The following SLC28A1 variants were observed in gnomAD, a reference collection of about 807,000 sequenced individuals.
SLC28A1 encodes the protein sodium/nucleoside cotransporter 1.
A neutral mutation model predicts 74.8 loss-of-function variants in SLC28A1; 64 were observed. The ratio of observed to expected loss-of-function variants is 0.86; its 90% confidence interval spans 0.70 to 1.05. The LOEUF (loss-of-function observed/expected upper bound fraction) is 1.05. SLC28A1 is among the 50% of genes least tolerant of loss of function. The probability of loss-of-function intolerance (pLI) is 0.00; values close to 1 mark genes in which losing one functional copy is unlikely to be tolerated. For synonymous variants in SLC28A1, 359 were observed against 335.0 expected, an observed-to-expected ratio of 1.07 and a Z score of -0.78; for missense variants, 828 against 822.8, an observed-to-expected ratio of 1.01 and a Z score of -0.08.
rs142718320 is a variant in SLC28A1 at position 84,921,041 on chromosome 15, G to A, written c.929G>A (p.Ser310Asn). The A allele has an allele frequency of 6.2e-7, 1 of 1,614,040 alleles. No individual in the cohort carries two copies. Among genetic ancestry groups the A allele is most frequent in the African/African-American group, 1.3e-5 (1 of 75,044 alleles). Residue 310 changes from serine (S) to asparagine (N), a missense_variant, in exon 11 of 19, where the codon AGT (serine) becomes AAT (asparagine). By Grantham distance (46) the Ser-to-Asn change is conservative (BLOSUM62 1). Around this residue, in one of 3 missense-constraint regions of SLC28A1, gnomAD observed 767 missense variants for 753.5 expected, o/e 1.02. Coordinates refer to ENST00000394573, the MANE Select transcript of SLC28A1 (RefSeq NM_004213.5). ...TMGTTATETL[S>N]VAGNIFVSQT... The stretch of plus-strand genomic sequence containing the variant: ...GGCACCACAGCCACTGAGACCCTGA[G>A]TGTGGCTGGAAACATCTTTGTGAGC...
At chr15:84,895,763 A>G in intron 6 of SLC28A1, 5 of 1,224,710 alleles carry the variant, frequency 4.1e-6, no homozygotes, top group South Asian at 2.0e-5. Context: ...CTGGGGGAAA[A>G]AAACAGTTTC....
chr15:84,894,805 C>T, intron 5 of SLC28A1, 135 bp from the exon 6 acceptor site: 1 of 826,222 alleles, frequency 1.2e-6, no homozygotes, highest in Non-Finnish European at 2.0e-6. Context: ...GATGAGGAAA[C>T]AGGCTCAGTG....
chr15:84,948,933 G>T (rs1242963988), downstream of SLC28A1, among the ~76,000 whole-genome samples: 3 of 152,076 alleles, frequency 2.0e-5, no homozygotes, highest in East Asian at 5.8e-4. Flanking sequence ...TGCCATTCTG[G>T]GCCACTCTGA....
At chr15:84,932,005 A>C (rs1971363471) in intron 12 of SLC28A1, among the ~76,000 whole-genome samples, 1 of 151,752 alleles carries the variant, frequency 6.6e-6, no homozygotes, top group Non-Finnish European at 1.5e-5. Flanking sequence ...CTGTCTTGGA[A>C]AAAAAAATAA....
chr15:84,913,115 T>C (rs11853372), intron 9 of SLC28A1, among the ~76,000 whole-genome samples: 1 of 151,976 alleles, frequency 6.6e-6, no homozygotes, highest in African/African-American at 2.4e-5. Context: ...CGTAGCTAGG[T>C]TACAGCCAGA....
At chr15:84,895,969 T>A in intron 6 of SLC28A1, 1 of 968,740 alleles carries the variant, frequency 1.0e-6, no homozygotes, top group Non-Finnish European at 1.2e-6. Flanking sequence ...TGAACACATT[T>A]AAAATTTTAT....
chr15:84,968,640 C>G, the SLC28A1 span, among the ~76,000 whole-genome samples: 1 of 152,326 alleles, frequency 6.6e-6, no homozygotes, highest in African/African-American at 2.4e-5. Context: ...GGAGGCAAGG[C>G]TACCAGGAGG....
intron 9 of SLC28A1, among the ~76,000 whole-genome samples, chr15:84,910,616 T>C (rs1325296952): frequency 6.6e-6 from 1 of 152,086 alleles, no homozygotes; most frequent in East Asian, 1.9e-4. Context: ...TAATCCCAGC[T>C]ACTTGGGAGG....
chr15:84,886,856 A>T, intron 2 of SLC28A1, 69 bp downstream of exon 2: 3 of 810,188 alleles, frequency 3.7e-6, no homozygotes, highest in Non-Finnish European at 4.5e-6. Flanking sequence ...GGGCATTCCC[A>T]GGCTCTGCCT....
At chr15:84,965,055 T>C in the SLC28A1 span, among the ~76,000 whole-genome samples, 2 of 152,160 alleles carry the variant, frequency 1.3e-5, no homozygotes, top group Admixed American at 1.3e-4. Context: ...CCAAATCTCA[T>C]CTTGAATTAT....
rs183952123 is a variant in SLC28A1 at position 84,886,747 on chromosome 15, C to T, written c.-57C>T. 24 of 985,484 alleles carry T rather than the reference C, an allele frequency of 2.4e-5. No individual in the cohort carries two copies. In the African/African-American group the frequency reaches 4.2e-4, roughly 17 times the overall value. 61.0% of individuals were successfully genotyped at this position (985,484 alleles called of 1,614,324 possible). On this transcript the variant is annotated 5_prime_UTR_variant, in exon 2 of 19. Transcript: ENST00000394573. ...CAGCTTGTCCCCACAGAGACGTGTG[C>T]TTCCCTCTCTCTCTGAGAGCGACCT...
chr15:84,904,742 C>T (rs1966869469), intron 7 of SLC28A1, among the ~76,000 whole-genome samples: 1 of 151,804 alleles, frequency 6.6e-6, no homozygotes, highest in East Asian at 1.9e-4. Flanking sequence ...GCAAGGGCAG[C>T]AATCATCCTG....
chr15:84,911,319 C>T (rs575570651), intron 9 of SLC28A1, among the ~76,000 whole-genome samples: 9 of 152,300 alleles, frequency 5.9e-5, no homozygotes, highest in African/African-American at 1.9e-4. Flanking sequence ...ACCATTGGTA[C>T]CAGGAGGGAG....
In SLC28A1 at chr15:84,932,248, T is replaced by C. The variant is rs184697054; in HGVS notation, c.1084-897T>C. 2.0e-4 allele frequency among the ~76,000 whole-genome samples: 30 copies of C among 152,206 alleles called. 1 individual carries two copies. The highest frequency in any genetic ancestry group is 2.0e-4 in the Admixed American group (3 of 15,284). ...CTGACGACGCTTAGCCGGTCTCCCATTGTTAGATGTCTGAGTTGGTTCTGA... is the reference window on the plus strand; with the variant it reads ...CTGACGACGCTTAGCCGGTCTCCCACTGTTAGATGTCTGAGTTGGTTCTGA... On this transcript the variant is annotated intron_variant, in intron 12 of 18. Coordinates refer to ENST00000394573, the MANE Select transcript of SLC28A1 (RefSeq NM_004213.5).
intron 5 of SLC28A1, among the ~76,000 whole-genome samples, chr15:84,892,898 A>G (rs1447898505): frequency 6.6e-6 from 1 of 152,148 alleles, no homozygotes; most frequent in South Asian, 2.1e-4. Flanking sequence ...GCCAAAGCCC[A>G]GGGAGGTCTT....
intron 15 of SLC28A1, among the ~76,000 whole-genome samples, chr15:84,935,957 T>G (rs796334965): frequency 0.012 from 1,576 of 133,492 alleles, 80 homozygotes; most frequent in African/African-American, 0.026. Flanking sequence ...TTTTGTTTTT[T>G]TTTTTTTTTT....
rs1439985532 is a variant in SLC28A1, at chr15:84,932,034, C to T, written c.1084-1111C>T. On this transcript the variant is annotated intron_variant, in intron 12 of 18. Coordinates refer to ENST00000394573, the MANE Select transcript of SLC28A1 (RefSeq NM_004213.5). ...AAAATAAAGCAAGAAAGAAAATCAC[C>T]CCTGGCCCCAGCAGCCAGGGACAGT... Among the ~76,000 whole-genome samples, 5 of 152,148 alleles carry T rather than the reference C, an allele frequency of 3.3e-5. No individual in the cohort carries two copies. In the East Asian group the frequency reaches 9.7e-4, roughly 29 times the overall value.
intron 8 of SLC28A1, among the ~76,000 whole-genome samples, chr15:84,908,174 A>ATTT (rs1596270479): frequency 7.6e-5 from 5 of 65,894 alleles, no homozygotes; most frequent in African/African-American, 2.4e-4. Context: ...CTCCCAGAGC[A>ATTT]TTTCTTTTTT....
intron 3 of SLC28A1, among the ~76,000 whole-genome samples, chr15:84,888,129 C>T (rs1423615836): frequency 6.6e-6 from 1 of 152,110 alleles, no homozygotes; most frequent in Admixed American, 6.5e-5. Flanking sequence ...CAGGGCAGGC[C>T]CCAGTGAGGA....
Sources: gnomAD v4.1 joint callset for allele counts (sites outside exome capture counted in the v4.1 genomes callset) on GRCh38, gnomAD v4.1.1 for gene constraint, gnomAD v4.1.1 regional missense constraint, MANE v1.5 for transcripts, NCBI Gene and HGNC (gene_info 2026-07-23, HGNC 2026-07-21) for gene names.